Variants in SMYD3 observed in about 807,000 individuals in gnomAD.
SMYD3 encodes the protein SET and MYND domain containing 3.
A neutral mutation model predicts 57.7 loss-of-function variants in SMYD3; 36 were observed. The observed-to-expected ratio is 0.62, with a 90% CI of 0.48 to 0.82. The LOEUF is 0.82. Among genes scored for constraint, SMYD3 ranks in the 40% least tolerant of loss-of-function variants. The pLI, the probability that SMYD3 is intolerant of heterozygous loss-of-function variation, is 0.00. For synonymous variants in SMYD3, 211 were observed against 195.0 expected (o/e 1.08, Z -0.68); for missense variants, 515 against 538.8 (o/e 0.96, Z 0.44).
chr1:246,048,660 T>C (rs1435656670), intron 5 of SMYD3, among the ~76,000 whole-genome samples: 1 of 152,128 alleles, frequency 6.6e-6, no homozygotes, highest in Non-Finnish European at 1.5e-5. Flanking sequence ...CTTCCTAACC[T>C]TGTGAACTTC....
intron 5 of SMYD3, among the ~76,000 whole-genome samples, chr1:246,305,261 C>T (rs571557501): frequency 5.3e-5 from 8 of 152,218 alleles, no homozygotes; most frequent in African/African-American, 1.7e-4. Flanking sequence ...TAAAATCTTA[C>T]AAGAAGATAC....
At chr1:246,469,412 A>G (rs979126466) in intron 1 of SMYD3, among the ~76,000 whole-genome samples, 2 of 152,244 alleles carry the variant, frequency 1.3e-5, no homozygotes, top group Admixed American at 6.5e-5. Flanking sequence ...CTGAGAAGGC[A>G]AAGTACAACA....
chr1:246,072,825 G>A (rs957691441), intron 5 of SMYD3, among the ~76,000 whole-genome samples: 7 of 152,138 alleles, frequency 4.6e-5, no homozygotes, highest in Non-Finnish European at 7.3e-5. Flanking sequence ...TGCCTTGGAC[G>A]TAAGAAACAT....
chr1:246,049,336 G>C (rs10399829), intron 5 of SMYD3, among the ~76,000 whole-genome samples: 3 of 151,794 alleles, frequency 2.0e-5, no homozygotes, highest in African/African-American at 7.3e-5. Flanking sequence ...TCGCTCTGTC[G>C]CCCAGGCTGG....
At chr1:245,985,719 G>A (rs1477891146) in intron 5 of SMYD3, among the ~76,000 whole-genome samples, 1 of 152,158 alleles carries the variant, frequency 6.6e-6, no homozygotes, top group East Asian at 1.9e-4. Flanking sequence ...CCAAAAACTA[G>A]TTAATGATAT....
intron 5 of SMYD3, among the ~76,000 whole-genome samples, chr1:246,161,404 TC>T (rs2062118082): frequency 1.3e-5 from 2 of 152,272 alleles, no homozygotes; most frequent in East Asian, 3.9e-4. Flanking sequence ...CATCCTCTCT[TC>T]CAGGCTGAAC....
chr1:246,238,244 T>C lies in SMYD3; in HGVS notation c.531+88957A>G, dbSNP rs529028787. 7.9e-5 allele frequency among the ~76,000 whole-genome samples: 12 copies of C among 152,248 alleles called. No homozygotes were observed. In the South Asian group the frequency reaches 1.5e-3, roughly 18 times the overall value. On this transcript the variant is annotated intron_variant, in intron 5 of 11. Coordinates refer to ENST00000490107, the MANE Select transcript of SMYD3 (RefSeq NM_001167740.2). Reference sequence around the variant, plus strand: ...ATGGGTATCATTGTGTTACCCAGGCTGCACTCGAACTCCTGAGCTCAAGCA... The same window carrying C: ...ATGGGTATCATTGTGTTACCCAGGCCGCACTCGAACTCCTGAGCTCAAGCA...
chr1:245,778,217 C>G (rs1219307069), intron 10 of SMYD3, among the ~76,000 whole-genome samples: 2 of 152,072 alleles, frequency 1.3e-5, no homozygotes, highest in Non-Finnish European at 2.9e-5. Flanking sequence ...AGAGTCTAAG[C>G]AATTCTAAAA....
intron 5 of SMYD3, among the ~76,000 whole-genome samples, chr1:246,021,947 A>G (rs2059478671): frequency 6.6e-6 from 1 of 152,202 alleles, no homozygotes; most frequent in Non-Finnish European, 1.5e-5. Flanking sequence ...GTAGGGGCAC[A>G]GCACTTCAAA....
chr1:246,021,331 C>T (rs76200421), intron 5 of SMYD3, among the ~76,000 whole-genome samples: 1 of 152,160 alleles, frequency 6.6e-6, no homozygotes, highest in Non-Finnish European at 1.5e-5. Flanking sequence ...AAATATAGCT[C>T]TAGCCTGAAG....
Position 246,315,606 on chromosome 1 carries a change from C to T in SMYD3, c.531+11595G>A, listed in dbSNP as rs145328077. Among the ~76,000 whole-genome samples, 110 of 152,290 alleles carry T rather than the reference C, an allele frequency of 7.2e-4. 3 individuals are homozygous for T. The East Asian group carries it at 0.018, about 25-fold the overall frequency. On this transcript the variant is annotated intron_variant, in intron 5 of 11. Transcript: ENST00000490107. ...CAGGAAGAAGTAGCTTCCAGCTGTA[C>T]CAGGACACGCTGATACGTTGTTGGA...
chr1:245,918,559 G>A (rs2055621627), intron 7 of SMYD3, among the ~76,000 whole-genome samples: 2 of 152,224 alleles, frequency 1.3e-5, no homozygotes, highest in Admixed American at 1.3e-4. Flanking sequence ...GGTTGCCTCT[G>A]AGGCACAAAG....
chr1:246,248,105 G>C (rs1023720853), intron 5 of SMYD3, among the ~76,000 whole-genome samples: 2 of 152,188 alleles, frequency 1.3e-5, no homozygotes, highest in African/African-American at 4.8e-5. Context: ...ACTGTATTTG[G>C]AGTAAAAGGT....
chr1:246,485,733 T>A (rs2068178150), intron 1 of SMYD3, among the ~76,000 whole-genome samples: 1 of 152,112 alleles, frequency 6.6e-6, no homozygotes, highest in African/African-American at 2.4e-5. Context: ...AAAGCTGTAG[T>A]GGGCTAGGAT....
At chr1:245,937,216 T>G (rs570405937) in intron 5 of SMYD3, among the ~76,000 whole-genome samples, 2 of 152,310 alleles carry the variant, frequency 1.3e-5, no homozygotes, top group East Asian at 3.9e-4. Context: ...TTGTCAAGGC[T>G]AAAATCAATA....
chr1:246,142,417 TTC>T (rs1403750687), intron 5 of SMYD3, among the ~76,000 whole-genome samples: 2 of 152,162 alleles, frequency 1.3e-5, no homozygotes, highest in Non-Finnish European at 2.9e-5. Flanking sequence ...ACTTTACAGC[TTC>T]TTTTTGGCAT....
At chr1:246,088,537 G>A (rs951277957) in intron 5 of SMYD3, among the ~76,000 whole-genome samples, 4 of 138,444 alleles carry the variant, frequency 2.9e-5, no homozygotes, top group East Asian at 2.1e-4. Flanking sequence ...GTGAACCCAG[G>A]AGGCGGAGCT....
At chr1:245,936,236 C>G (rs1490047108) in intron 5 of SMYD3, among the ~76,000 whole-genome samples, 1 of 152,116 alleles carries the variant, frequency 6.6e-6, no homozygotes, top group Admixed American at 6.5e-5. Flanking sequence ...AATGATAATT[C>G]TATAAATTTG....
intron 10 of SMYD3, among the ~76,000 whole-genome samples, chr1:245,803,488 C>T (rs927833031): frequency 1.2e-4 from 19 of 152,168 alleles, no homozygotes; most frequent in Non-Finnish European, 2.2e-4. Context: ...TGGTTAAATA[C>T]ACACAAAGCC....
Sources: gnomAD v4.1 joint callset for allele counts (sites outside exome capture counted in the v4.1 genomes callset) on GRCh38, gnomAD v4.1.1 for gene constraint, MANE v1.5 for transcripts, NCBI Gene and HGNC (gene_info 2026-07-23, HGNC 2026-07-21) for gene names.